The following VAT1L variants were observed in gnomAD, a reference collection of about 807,000 sequenced individuals.
VAT1L encodes vesicle amine transport 1 like.
VAT1L carries 34 observed loss-of-function variants against 44.1 expected under a neutral mutation model. The ratio of observed to expected loss-of-function variants is 0.77; its 90% CI spans 0.59 to 1.03. The LOEUF (loss-of-function observed/expected upper bound fraction) is 1.03. Among genes scored for constraint, VAT1L ranks in the 50% least tolerant of loss-of-function variants. VAT1L has a pLI of 0.00. For missense variants in VAT1L, 615 were observed against 538.8 expected (o/e 1.14, Z -1.40); for synonymous variants, 253 against 202.2 (o/e 1.25, Z -2.13).
At position 77,817,430 on chromosome 16, in the gene VAT1L, G is replaced by A. The variant is rs144128869; in HGVS notation, c.363+380G>A. On this transcript the variant is annotated intron_variant, in intron 2 of 8. Transcript: ENST00000302536. The stretch of plus-strand genomic sequence containing the variant: ...CAACTACAAAACACAGAAGTGTAGA[G>A]GAAATGGACTCTCTATTTTATAACC... Among the ~76,000 whole-genome samples the A allele has an allele frequency of 1.6e-4, 24 of 152,292 alleles. No individual in the cohort carries two copies. In the East Asian group the frequency reaches 4.6e-3, roughly 29 times the overall value.
rs190042986 is a variant in VAT1L, at chr16:77,932,958, G to A, written c.1078-38892G>A. On this transcript the variant is annotated intron_variant, in intron 7 of 8. Transcript: ENST00000302536. ...ACATTGGTATGATTCCAAGCACTTG[G>A]GGACAATTCTCCCCCACACATTTCA... Among the ~76,000 whole-genome samples, 22 of 152,312 alleles carry A rather than the reference G, an allele frequency of 1.4e-4. No homozygotes were observed. The East Asian group carries it at 4.0e-3, about 28-fold the overall frequency.
chr16:77,936,488 C>T (rs2017798288), intron 7 of VAT1L, among the ~76,000 whole-genome samples: 1 of 152,090 alleles, frequency 6.6e-6, no homozygotes. Flanking sequence ...GGGGACTTCT[C>T]CTTAAGTCAA....
chr16:77,925,328 T>C (rs1245380120), intron 7 of VAT1L, among the ~76,000 whole-genome samples: 1 of 152,182 alleles, frequency 6.6e-6, no homozygotes, highest in East Asian at 1.9e-4. Context: ...CTTCTGGTTA[T>C]CTGAATCTGA....
intron 7 of VAT1L, among the ~76,000 whole-genome samples, chr16:77,970,140 G>C (rs150165209): frequency 6.6e-6 from 1 of 151,624 alleles, no homozygotes; most frequent in Non-Finnish European, 1.5e-5. Context: ...GTAGGCTGAC[G>C]TGGGAGCATT....
At chr16:77,899,917 T>A (rs1350051872) in intron 7 of VAT1L, among the ~76,000 whole-genome samples, 1 of 152,224 alleles carries the variant, frequency 6.6e-6, no homozygotes, top group Non-Finnish European at 1.5e-5. Context: ...TACCAACTAG[T>A]TAGGCTCCAA....
chr16:77,788,593 A>C lies in VAT1L; in HGVS notation c.-90A>C. 7.0e-7 allele frequency: 1 copy of C among 1,434,574 alleles called. No homozygotes were observed. The highest frequency in any genetic ancestry group is 9.5e-7 in the Non-Finnish European group (1 of 1,057,196). The allele number at this position is 1,434,574 out of a possible 1,614,324, so 88.9% of individuals were successfully genotyped here. Reference sequence around the variant, plus strand: ...CACAGCCGAGCATCCCACATTCAACAGGAGGAACCCGCGGGAGAGGAGCCC... The same window carrying C: ...CACAGCCGAGCATCCCACATTCAACCGGAGGAACCCGCGGGAGAGGAGCCC... On this transcript the variant is annotated 5_prime_UTR_variant, in exon 1 of 9. Coordinates refer to ENST00000302536, the MANE Select transcript of VAT1L (RefSeq NM_020927.3).
intron 3 of VAT1L, among the ~76,000 whole-genome samples, chr16:77,857,931 C>T (rs1162575303): frequency 1.3e-5 from 2 of 151,512 alleles, no homozygotes; most frequent in Admixed American, 6.6e-5. Flanking sequence ...ATTAAATGCA[C>T]GCTTTACTCC....
chr16:77,908,707 C>T (rs1389828510), intron 7 of VAT1L, among the ~76,000 whole-genome samples: 1 of 151,712 alleles, frequency 6.6e-6, no homozygotes, highest in African/African-American at 2.4e-5. Context: ...CAAGGTCAGG[C>T]GATTGAGACC....
At chr16:77,936,829 G>A (rs2017803723) in intron 7 of VAT1L, among the ~76,000 whole-genome samples, 1 of 152,070 alleles carries the variant, frequency 6.6e-6, no homozygotes, top group Non-Finnish European at 1.5e-5. Flanking sequence ...ACTTGCGAGT[G>A]GTCAGGGGTG....
intron 7 of VAT1L, among the ~76,000 whole-genome samples, chr16:77,890,730 C>G (rs1445768357): frequency 1.3e-5 from 2 of 150,780 alleles, no homozygotes; most frequent in African/African-American, 4.9e-5. Context: ...CAAGACCAGC[C>G]TGAGCAACAT....
At chr16:77,814,077 A>G (rs2016310893) in intron 1 of VAT1L, among the ~76,000 whole-genome samples, 1 of 152,162 alleles carries the variant, frequency 6.6e-6, no homozygotes, top group African/African-American at 2.4e-5. Flanking sequence ...CTGGGTCTCA[A>G]TTTTCTGATC....
At chr16:77,873,252 G>A (rs994292224) in intron 4 of VAT1L, among the ~76,000 whole-genome samples, 13 of 152,204 alleles carry the variant, frequency 8.5e-5, no homozygotes, top group South Asian at 2.1e-4. Flanking sequence ...TGCTAGTTAC[G>A]TAAGCTTGGG....
At chr16:77,953,328 A>G (rs2018065531) in intron 7 of VAT1L, among the ~76,000 whole-genome samples, 1 of 152,210 alleles carries the variant, frequency 6.6e-6, no homozygotes, top group African/African-American at 2.4e-5. Flanking sequence ...TAGGAAACTA[A>G]TATACTACCC....
At chr16:77,932,513 G>A (rs1032703960) in intron 7 of VAT1L, among the ~76,000 whole-genome samples, 2 of 152,190 alleles carry the variant, frequency 1.3e-5, no homozygotes, top group Non-Finnish European at 2.9e-5. Context: ...TTATTTGACT[G>A]TGGAAACTCT....
chr16:77,878,256 C>G lies in VAT1L; in HGVS notation c.827-913C>G, dbSNP rs375067121. ...TCGGCATTAAAAGTAATGGCAAAAA[C>G]CACAGTTACTTTTGCACCAACTTAT... On this transcript the variant is annotated intron_variant, in intron 5 of 8. Transcript: ENST00000302536. Among the ~76,000 whole-genome samples, 70 of 152,284 alleles carry G rather than the reference C, an allele frequency of 4.6e-4. 1 individual carries two copies. The highest frequency in any genetic ancestry group is 1.6e-3 in the African/African-American group (68 of 41,544).
In VAT1L at chr16:77,815,968, CA is replaced by C. The variant is rs57312031; in HGVS notation, c.234-932del. Among the ~76,000 whole-genome samples the C allele has an allele frequency of 5.8e-3, 191 of 32,930 alleles. 1 individual carries two copies. The highest frequency in any genetic ancestry group is 0.028 in the Middle Eastern group (1 of 36). The allele number at this position is 32,930 out of a possible 152,430, so 21.6% of individuals were successfully genotyped here. A position where few individuals can be genotyped will look rare whatever the true frequency, so the allele number is the denominator to read the frequency against. ...GGACAACAGGAGCAAAACTCTGTCT[CA>C]AAAAAAAAAAAAAAAAAAAAGTACA... On this transcript the variant is annotated intron_variant, in intron 1 of 8. Coordinates refer to ENST00000302536, the MANE Select transcript of VAT1L (RefSeq NM_020927.3).
intron 7 of VAT1L, among the ~76,000 whole-genome samples, chr16:77,946,708 A>G (rs1423435666): frequency 6.6e-6 from 1 of 152,226 alleles, no homozygotes; most frequent in African/African-American, 2.4e-5. Context: ...TGTGACTTCA[A>G]TTGATTCTTA....
At chr16:77,851,211 G>T (rs550678304) in intron 3 of VAT1L, among the ~76,000 whole-genome samples, 1 of 152,300 alleles carries the variant, frequency 6.6e-6, no homozygotes, top group East Asian at 1.9e-4. Context: ...GTAGAGCAGG[G>T]GCAGCTATGG....
chr16:77,798,847 T>C (rs2145210323), intron 1 of VAT1L, among the ~76,000 whole-genome samples: 1 of 152,272 alleles, frequency 6.6e-6, no homozygotes, highest in African/African-American at 2.4e-5. Context: ...AGCTTAGAGA[T>C]CTTCAGAGGG....
Sources: allele counts gnomAD v4.1 joint callset (sites outside exome capture counted in the v4.1 genomes callset), GRCh38; gene constraint gnomAD v4.1.1; transcripts MANE v1.5; gene names NCBI Gene and HGNC (gene_info 2026-07-23, HGNC 2026-07-21).